The following PCDHA9 variants were observed in gnomAD, a reference collection of about 807,000 sequenced individuals.
The protein encoded by PCDHA9 is protocadherin alpha 9.
In PCDHA9, 62 loss-of-function variants were observed where a neutral mutation model predicts 62.0. The observed-to-expected ratio is 1.00, with a 90% CI of 0.81 to 1.23. PCDHA9 has a LOEUF of 1.23. Ranked by LOEUF, PCDHA9 falls within the 50% of genes most tolerant of loss-of-function variation. PCDHA9 has a pLI of 0.00. For synonymous variants in PCDHA9, 557 were observed against 567.6 expected, an observed-to-expected ratio of 0.98 and a Z score of 0.27; for missense variants, 1,205 against 1,249.8, an observed-to-expected ratio of 0.96 and a Z score of 0.54.
chr5:140,903,086 C>T lies in PCDHA9; in HGVS notation c.2394+52197C>T, dbSNP rs534457835. 2.6e-5 allele frequency among the ~76,000 whole-genome samples: 4 copies of T among 152,260 alleles called. No homozygotes were observed. In the East Asian group the frequency reaches 7.7e-4, roughly 29 times the overall value. ...CCTTTGGGTAGATACCTGATAGTGGCATTGCTGGATCAAATAATAGCTCTA... is the reference window on the plus strand; with the variant it reads ...CCTTTGGGTAGATACCTGATAGTGGTATTGCTGGATCAAATAATAGCTCTA... On this transcript the variant is annotated intron_variant, in intron 1 of 3. Transcript: ENST00000532602.
At chr5:140,981,338 G>A (rs1563488090) in intron 2 of PCDHA9, among the ~76,000 whole-genome samples, 1 of 152,100 alleles carries the variant, frequency 6.6e-6, no homozygotes, top group Non-Finnish European at 1.5e-5. Context: ...CTTTGGGAGG[G>A]TGAGGCAGGT....
At chr5:140,863,428 G>A (rs528139564) in intron 1 of PCDHA9, 7 of 657,564 alleles carry the variant, frequency 1.1e-5, no homozygotes, top group Non-Finnish European at 1.9e-5. Context: ...CAGCGTAGTG[G>A]GATCTGGTCT....
In PCDHA9 at chr5:140,868,996, G is replaced by A. The variant is rs2050789342; in HGVS notation, c.2394+18107G>A. ...CATCATACCGGATGCCACCGTTTAA[G>A]GATCCTTTGAAACTTCTTAAGAATT... is the stretch of plus-strand genomic sequence containing the variant. On this transcript the variant is annotated intron_variant, in intron 1 of 3. Transcript: ENST00000532602. The A allele has an allele frequency of 2.6e-6, 4 of 1,516,490 alleles. No individual in the cohort carries two copies. The African/African-American group carries it at 4.2e-5, about 16-fold the overall frequency. 93.9% of individuals were successfully genotyped at this position (1,516,490 alleles called of 1,614,324 possible).
intron 3 of PCDHA9, among the ~76,000 whole-genome samples, chr5:141,000,481 G>A (rs1475922134): frequency 1.5e-5 from 2 of 133,428 alleles, no homozygotes; most frequent in African/African-American, 2.8e-5. Context: ...AAGCTGGAGT[G>A]CAATGGTAAG....
At chr5:140,987,318 A>C (rs148008812) in intron 3 of PCDHA9, among the ~76,000 whole-genome samples, 3,398 of 152,304 alleles carry the variant, frequency 0.022, 70 homozygotes, top group Admixed American at 0.058. Flanking sequence ...TGTACTGTGA[A>C]GTTTTAAGAA....
intron 1 of PCDHA9, chr5:140,857,918 G>T (rs1243844248): frequency 6.3e-7 from 1 of 1,597,708 alleles, no homozygotes; most frequent in Non-Finnish European, 8.6e-7. Context: ...GTTTCGCGTG[G>T]GGCTGTACAC....
intron 1 of PCDHA9, chr5:140,928,931 A>G: frequency 1.9e-6 from 3 of 1,614,150 alleles, no homozygotes; most frequent in Non-Finnish European, 2.5e-6. Flanking sequence ...CTTTCTGCCC[A>G]GAACTTGTAT....
chr5:140,863,116 G>A (rs1554157785), intron 1 of PCDHA9: 7 of 589,834 alleles, frequency 1.2e-5, no homozygotes, highest in African/African-American at 1.9e-5. Flanking sequence ...CGAGGCGAAA[G>A]CTACGCGCCA....
chr5:140,920,955 C>A (rs2079947807), intron 1 of PCDHA9, among the ~76,000 whole-genome samples: 1 of 151,668 alleles, frequency 6.6e-6, no homozygotes, highest in Admixed American at 6.6e-5. Context: ...AAACACTACA[C>A]ATGTAGTACT....
At chr5:140,927,674 A>C (rs201769803) in intron 1 of PCDHA9, 1 of 1,614,182 alleles carries the variant, frequency 6.2e-7, no homozygotes, top group Admixed American at 1.7e-5. Flanking sequence ...TTGGATCCAG[A>C]TGAAGGGTCC....
chr5:140,932,607 T>C (rs555006363), intron 1 of PCDHA9, among the ~76,000 whole-genome samples: 8 of 152,052 alleles, frequency 5.3e-5, no homozygotes, highest in Non-Finnish European at 7.4e-5. Flanking sequence ...CTATTTTGAC[T>C]TTGAAGCTGA....
intron 1 of PCDHA9, among the ~76,000 whole-genome samples, chr5:140,903,637 A>G (rs1290449623): frequency 1.3e-5 from 2 of 152,240 alleles, no homozygotes; most frequent in Non-Finnish European, 1.5e-5. Flanking sequence ...GTATGCATAT[A>G]CCATATACAT....
At chr5:140,869,861 AAAATGCTGCT>A in intron 1 of PCDHA9, 1 of 1,610,746 alleles carries the variant, frequency 6.2e-7, no homozygotes, top group Admixed American at 1.7e-5. Flanking sequence ...AGCCTTATGG[AAAATGCTGCT>A]AAAGAAACTC....
At chr5:140,949,237 A>G (rs1239213091) in intron 1 of PCDHA9, among the ~76,000 whole-genome samples, 1 of 151,790 alleles carries the variant, frequency 6.6e-6, no homozygotes, top group South Asian at 2.1e-4. Context: ...GTGGCCCAGC[A>G]ACAGTCTATC....
At chr5:140,860,689 G>A (rs1478164991) in intron 1 of PCDHA9, 3 of 152,174 alleles carry the variant, frequency 2.0e-5, no homozygotes, top group African/African-American at 7.2e-5. Flanking sequence ...TGTTTTGAGC[G>A]ACAGGATATT....
At chr5:140,928,074 C>CT in intron 1 of PCDHA9, 1 of 1,614,216 alleles carries the variant, frequency 6.2e-7, no homozygotes, top group Non-Finnish European at 8.5e-7. Context: ...TTGACAACTA[C>CT]TACAGCCTGC....
intron 1 of PCDHA9, among the ~76,000 whole-genome samples, chr5:140,905,012 C>A (rs1335177928): frequency 6.6e-6 from 1 of 152,054 alleles, no homozygotes; most frequent in Non-Finnish European, 1.5e-5. Context: ...TTTGCTAATT[C>A]TTTTCTATGC....
intron 1 of PCDHA9, among the ~76,000 whole-genome samples, chr5:140,890,818 A>G (rs1170693390): frequency 1.3e-5 from 2 of 152,204 alleles, no homozygotes; most frequent in African/African-American, 4.8e-5. Flanking sequence ...ATTGTTTTAA[A>G]TGTACTTACA....
chr5:140,857,821 T>C, intron 1 of PCDHA9: 2 of 1,597,642 alleles, frequency 1.3e-6, no homozygotes, highest in South Asian at 2.2e-5. Flanking sequence ...ACGTGGTGGC[T>C]AAGGTGCGCG....
Sources: gnomAD v4.1 joint callset for allele counts (sites outside exome capture counted in the v4.1 genomes callset) on GRCh38, gnomAD v4.1.1 for gene constraint, MANE v1.5 for transcripts, NCBI Gene and HGNC (gene_info 2026-07-23, HGNC 2026-07-21) for gene names.